ASNS: variants seen among roughly 807,000 people sequenced by gnomAD.
ASNS encodes the protein asparagine synthetase (glutamine-hydrolyzing).
A neutral mutation model predicts 62.6 loss-of-function variants in ASNS; 37 were observed. The observed-to-expected ratio is 0.59, with a 90% CI of 0.45 to 0.78. The LOEUF is 0.78. Among genes scored for constraint, ASNS ranks in the 30% least tolerant of loss-of-function variants. The pLI, the probability that ASNS is intolerant of heterozygous loss-of-function variation, is 0.00. For synonymous variants in ASNS, 207 were observed against 237.9 expected (o/e 0.87, Z 1.19); for missense variants, 520 against 682.4 (o/e 0.76, Z 2.65).
At chr7:97,907,000 C>T in the ASNS span, among the ~76,000 whole-genome samples, 1 of 152,186 alleles carries the variant, frequency 6.6e-6, no homozygotes, top group Admixed American at 6.5e-5. Flanking sequence ...TTTATTCAGT[C>T]TACCAATTAA....
chr7:97,897,977 T>G, the ASNS span, among the ~76,000 whole-genome samples: 11 of 152,306 alleles, frequency 7.2e-5, no homozygotes, highest in East Asian at 1.2e-3. Flanking sequence ...CAGGCTGGAG[T>G]GCAGTGTCAC....
upstream of ASNS, among the ~76,000 whole-genome samples, chr7:97,873,573 G>A (rs1562826774): frequency 6.6e-6 from 1 of 152,200 alleles, no homozygotes; most frequent in Non-Finnish European, 1.5e-5. Context: ...CCTAATTGAC[G>A]TACTTTAAAC....
chr7:97,895,551 T>A, the ASNS span, among the ~76,000 whole-genome samples: 3 of 152,220 alleles, frequency 2.0e-5, no homozygotes, highest in Non-Finnish European at 4.4e-5. Flanking sequence ...CCCAGCACTT[T>A]GGGAGGCCAA....
chr7:97,917,973 G>T, the ASNS span, among the ~76,000 whole-genome samples: 2 of 152,362 alleles, frequency 1.3e-5, no homozygotes, highest in South Asian at 4.1e-4. Context: ...GAGGCCTGAA[G>T]AAGGCAAATG....
At chr7:97,896,715 C>T in the ASNS span, among the ~76,000 whole-genome samples, 127 of 33,498 alleles carry the variant, frequency 3.8e-3, 2 homozygotes, top group East Asian at 6.2e-3. Context: ...TATATATACA[C>T]ACACACACAC....
At chr7:97,863,317 A>G (rs956105329) in intron 4 of ASNS, 3 of 152,252 alleles carry the variant, frequency 2.0e-5, no homozygotes, top group Non-Finnish European at 4.4e-5. Context: ...GTACTGATAC[A>G]TGCTACGGCA....
At chr7:97,860,300 A>G (rs1791652763) in intron 4 of ASNS, among the ~76,000 whole-genome samples, 1 of 152,246 alleles carries the variant, frequency 6.6e-6, no homozygotes, top group Admixed American at 6.5e-5. Flanking sequence ...TTGTTGCAGT[A>G]TTCCAGATGA....
the ASNS span, among the ~76,000 whole-genome samples, chr7:97,922,299 A>C: frequency 6.6e-6 from 1 of 152,138 alleles, no homozygotes; most frequent in Non-Finnish European, 1.5e-5. Context: ...TTGGGAAGTC[A>C]AGGCTGCAGT....
the ASNS span, among the ~76,000 whole-genome samples, chr7:97,911,296 G>C: frequency 2.0e-5 from 3 of 152,096 alleles, no homozygotes; most frequent in African/African-American, 7.2e-5. Context: ...CATTAAACTA[G>C]TCTCTCTACT....
rs755301767 is a variant in ASNS, at chr7:97,858,286, C to A, written c.895G>T (p.Ala299Ser). ...CAGAGACAGCACCTTACCTTTCTAG[C>A]AGCCAGTAAATCGGGGCTGTCTTCC... ...GMEDSPDLLA[A>S]RKVADHIGSE... is the part of the protein sequence containing the mutation. The change falls in exon 7 of 13, where the codon GCT (alanine) becomes TCT (serine). Residue 299 changes from alanine (A) to serine (S), a missense_variant. Ala to Ser is a moderately conservative substitution (Grantham distance 99). Transcript: ENST00000394308. 2.5e-6 allele frequency: 4 copies of A among 1,612,832 alleles called. No individual in the cohort carries two copies. In the African/African-American group the frequency reaches 4.0e-5, roughly 16 times the overall value.
chr7:97,856,807 G>A lies in ASNS; in HGVS notation c.913C>T (p.His305Tyr). The A allele has an allele frequency of 6.2e-7, 1 of 1,603,526 alleles. No individual in the cohort carries two copies. Among genetic ancestry groups the A allele is most frequent in the Non-Finnish European group, 8.5e-7 (1 of 1,175,502 alleles). Residue 305 changes from histidine to tyrosine, a missense_variant, in exon 8 of 13, where the codon CAT becomes TAT. By Grantham distance (83) the His-to-Tyr change is moderately conservative. Coordinates refer to ENST00000394308, the MANE Select transcript of ASNS (RefSeq NM_001673.5). ...DLLAARKVAD[H>Y]IGSEHYEVLF... ...ACTTCATAATGTTCACTTCCAATATGATCTGCCACCTTATTATATAAAGAA... is the reference window on the plus strand; with the variant it reads ...ACTTCATAATGTTCACTTCCAATATAATCTGCCACCTTATTATATAAAGAA...
the ASNS span, among the ~76,000 whole-genome samples, chr7:97,886,784 T>C: frequency 6.6e-6 from 1 of 152,170 alleles, no homozygotes; most frequent in African/African-American, 2.4e-5. Flanking sequence ...GACCTTTTGG[T>C]TTTTTAATGT....
At chr7:97,900,379 A>AAAC in the ASNS span, among the ~76,000 whole-genome samples, 3 of 150,166 alleles carry the variant, frequency 2.0e-5, no homozygotes, top group Middle Eastern at 3.5e-3. Context: ...AAAAAAAAAA[A>AAAC]AAAAACAGAA....
chr7:97,928,403 C>T, the ASNS span: 7 of 609,380 alleles, frequency 1.1e-5, no homozygotes, highest in Non-Finnish European at 1.6e-5. Context: ...GTCCGCGCGG[C>T]GCGGAGGTGG....
chr7:97,888,577 T>C, the ASNS span, among the ~76,000 whole-genome samples: 1 of 152,204 alleles, frequency 6.6e-6, no homozygotes, highest in Admixed American at 6.5e-5. Context: ...TATTACCGTT[T>C]GCATCTTTAT....
chr7:97,871,790 G>A (rs1792276122), intron 1 of ASNS: 1 of 152,264 alleles, frequency 6.6e-6, no homozygotes, highest in Admixed American at 6.5e-5. Context: ...GTGGGGACTG[G>A]TGGGGATGGC....
intron 1 of ASNS, chr7:97,870,287 A>T (rs1387218279): frequency 1.7e-6 from 1 of 577,150 alleles, no homozygotes; most frequent in Admixed American, 3.3e-5. Flanking sequence ...CAATGGATAC[A>T]CCAAAAACAA....
At chr7:97,902,978 G>C in the ASNS span, among the ~76,000 whole-genome samples, 5 of 152,070 alleles carry the variant, frequency 3.3e-5, no homozygotes, top group African/African-American at 4.8e-5. Context: ...TGTCTACTTG[G>C]GGGGAGTTGT....
the ASNS span, among the ~76,000 whole-genome samples, chr7:97,896,484 C>T: frequency 6.8e-6 from 1 of 147,734 alleles, no homozygotes; most frequent in South Asian, 2.2e-4. Context: ...GTCCCAGCAG[C>T]TACTCAGGAG....
Sources: allele counts gnomAD v4.1 joint callset (sites outside exome capture counted in the v4.1 genomes callset), GRCh38; gene constraint gnomAD v4.1.1; transcripts MANE v1.5; gene names NCBI Gene and HGNC (gene_info 2026-07-23, HGNC 2026-07-21).